DNAI2: variants seen among roughly 807,000 people sequenced by gnomAD.
DNAI2 encodes the protein dynein axonemal intermediate chain 2, also known as dynein, axonemal, intermediate polypeptide 2.
DNAI2 carries 63 observed loss-of-function variants against 74.7 expected under a neutral mutation model. The observed-to-expected ratio is 0.84, with a 90% confidence interval of 0.69 to 1.04. DNAI2 has a LOEUF of 1.04. Ranked by LOEUF, DNAI2 falls within the 50% of genes least tolerant of loss-of-function variation. DNAI2 has a pLI of 0.00. For synonymous variants in DNAI2, 289 were observed against 314.9 expected (o/e 0.92, Z 0.87); for missense variants, 688 against 803.2 (o/e 0.86, Z 1.73).
At chr17:74,294,429 C>A (rs1346797033) in intron 6 of DNAI2, among the ~76,000 whole-genome samples, 2 of 152,164 alleles carry the variant, frequency 1.3e-5, no homozygotes, top group East Asian at 3.9e-4. Context: ...CCCACCTCAG[C>A]CTCCTGAGTG....
At chr17:74,307,713 A>T (rs2053268596) in intron 9 of DNAI2, among the ~76,000 whole-genome samples, 1 of 148,922 alleles carries the variant, frequency 6.7e-6, no homozygotes, top group Admixed American at 6.6e-5. Context: ...TAAAAAAAAA[A>T]ACTATTTTTT....
chr17:74,279,424 T>G (rs12936473), intron 1 of DNAI2, among the ~76,000 whole-genome samples: 43,918 of 151,996 alleles, frequency 0.29, 7,006 homozygotes, highest in Non-Finnish European at 0.37. Context: ...TGCATGCCTA[T>G]AGCAAAACAT....
intron 10 of DNAI2, chr17:74,309,659 T>A: frequency 1.5e-6 from 1 of 679,544 alleles, no homozygotes. Context: ...GTACCCGGCA[T>A]CTCCTACCCA....
chr17:74,305,165 T>C, intron 8 of DNAI2, 54 bp from the exon 9 acceptor site: 1 of 1,593,318 alleles, frequency 6.3e-7, no homozygotes. Context: ...TGCCCGCTAA[T>C]CCCAGAATTG....
intron 10 of DNAI2, 189 bp downstream of exon 10, chr17:74,309,577 G>A: frequency 3.7e-6 from 3 of 819,568 alleles, no homozygotes; most frequent in East Asian, 2.6e-5. Context: ...AAGGTTAAGG[G>A]GCCTGGGGGA....
intron 6 of DNAI2, among the ~76,000 whole-genome samples, chr17:74,291,867 A>ATTTT (rs36055191): frequency 6.9e-6 from 1 of 145,076 alleles, no homozygotes; most frequent in Admixed American, 7.0e-5. Context: ...ATTGATATTA[A>ATTTT]TTTTTTTTTT....
At chr17:74,302,550 A>G (rs1177206277) in intron 8 of DNAI2, among the ~76,000 whole-genome samples, 1 of 152,056 alleles carries the variant, frequency 6.6e-6, no homozygotes, top group Non-Finnish European at 1.5e-5. Flanking sequence ...CTGGACGACA[A>G]GAGCGAAACT....
chr17:74,309,881 T>A, intron 10 of DNAI2, 136 bp from the exon 11 acceptor site: 3 of 1,181,298 alleles, frequency 2.5e-6, no homozygotes, highest in Non-Finnish European at 3.7e-6. Flanking sequence ...AGTTTGAACT[T>A]CATCCTGTGG....
intron 12 of DNAI2, among the ~76,000 whole-genome samples, chr17:74,313,221 T>C (rs1252476723): frequency 6.6e-6 from 1 of 152,198 alleles, no homozygotes; most frequent in East Asian, 1.9e-4. Context: ...GAGCGAAGGA[T>C]GGTGCATGAG....
chr17:74,287,467 G>A (rs2051822823), intron 4 of DNAI2, among the ~76,000 whole-genome samples: 3 of 152,228 alleles, frequency 2.0e-5, no homozygotes, highest in Admixed American at 2.0e-4. Flanking sequence ...TAACTCCAGA[G>A]GATAGAAGTT....
At chr17:74,314,400 A>G in intron 13 of DNAI2, 129 bp downstream of exon 13, 4 of 1,242,338 alleles carry the variant, frequency 3.2e-6, no homozygotes, top group Non-Finnish European at 4.6e-6. Context: ...CTCACTGGGC[A>G]CTGAGTCCTG....
chr17:74,283,580 C>T (rs981557511), intron 2 of DNAI2, among the ~76,000 whole-genome samples: 1 of 152,040 alleles, frequency 6.6e-6, no homozygotes, highest in African/African-American at 2.4e-5. Context: ...TGCACTCCAG[C>T]TTGGGCAACA....
chr17:74,304,179 CTTTTTTCTTTTTTTTTTTTT>C (rs551714016), intron 8 of DNAI2, among the ~76,000 whole-genome samples: 1,673 of 101,966 alleles, frequency 0.016, 39 homozygotes, highest in African/African-American at 0.055. Context: ...TTTTCTTTTT[CTTTTTTCTTTTTTTTTTTTT>C]TTTTTTTTTT....
Position 74,289,661 on chromosome 17 carries a change from G to A in DNAI2, c.535G>A (p.Ala179Thr), listed in dbSNP as rs749303157. 1.9e-6 allele frequency: 3 copies of A among 1,614,000 alleles called. No homozygotes were observed. Among genetic ancestry groups the A allele is most frequent in the African/African-American group, 1.3e-5 (1 of 74,898 alleles). ...GCACCCCGATGGCAACAGGAAGTTG[G>A]CAGTGGCATACTCCTGCTTGGATTT... ...SWHPDGNRKL[A>T]VAYSCLDFQR... The change falls in exon 5 of 14, where the codon GCA becomes ACA. Residue 179 changes from alanine (A) to threonine (T), a missense_variant. Coordinates refer to ENST00000311014, the MANE Select transcript of DNAI2 (RefSeq NM_023036.6).
chr17:74,291,562 C>T (rs1278583990), intron 6 of DNAI2, among the ~76,000 whole-genome samples: 1 of 152,248 alleles, frequency 6.6e-6, no homozygotes, highest in Admixed American at 6.5e-5. Flanking sequence ...GGGTGAGGGC[C>T]TCCCATAGCT....
At chr17:74,280,636 G>T (rs531602401) in intron 1 of DNAI2, among the ~76,000 whole-genome samples, 1 of 152,284 alleles carries the variant, frequency 6.6e-6, no homozygotes, top group East Asian at 1.9e-4. Context: ...TGGGTGGGGA[G>T]TTGGGTCATT....
At position 74,314,685 on chromosome 17, in the gene DNAI2, C is replaced by T. The variant is rs1432528790; in HGVS notation, c.*152C>T. 4.6e-6 allele frequency: 1 copy of T among 218,204 alleles called. No individual in the cohort carries two copies. Among genetic ancestry groups the T allele is most frequent in the Non-Finnish European group, 9.4e-6 (1 of 106,330 alleles). The allele number at this position is 218,204 out of a possible 1,614,324, so 13.5% of individuals were successfully genotyped here. A position where few individuals can be genotyped will look rare whatever the true frequency, so the allele number is the denominator to read the frequency against. On this transcript the variant is annotated 3_prime_UTR_variant, in exon 14 of 14. Coordinates refer to ENST00000311014, the MANE Select transcript of DNAI2 (RefSeq NM_023036.6). ...TCCATGATCGACCCTCCTCGTCCAC[C>T]TACAAATCAGGAACAGAAAGTCTGT...
chr17:74,285,968 T>TAGAG (rs1475354910), intron 3 of DNAI2, among the ~76,000 whole-genome samples: 37 of 137,192 alleles, frequency 2.7e-4, no homozygotes, highest in Middle Eastern at 3.5e-3. Context: ...CATATATATA[T>TAGAG]ATAGAGAGAG....
intron 6 of DNAI2, among the ~76,000 whole-genome samples, chr17:74,292,020 C>T (rs1018663626): frequency 2.5e-4 from 38 of 152,296 alleles, no homozygotes; most frequent in African/African-American, 8.2e-4. Context: ...CATGCCACCA[C>T]GCCTGGCTAA....
Sources: gnomAD v4.1 joint callset for allele counts (sites outside exome capture counted in the v4.1 genomes callset) on GRCh38, gnomAD v4.1.1 for gene constraint, MANE v1.5 for transcripts, NCBI Gene and HGNC (gene_info 2026-07-23, HGNC 2026-07-21) for gene names.